DPP6: variants seen among roughly 807,000 people sequenced by gnomAD.
DPP6 encodes the protein dipeptidyl peptidase like 6.
A neutral mutation model predicts 122.6 loss-of-function variants in DPP6; 69 were observed. That is an observed-to-expected ratio of 0.56 (90% CI 0.46 to 0.69). DPP6 has a LOEUF of 0.69. DPP6 is among the 30% of genes least tolerant of loss of function. The pLI is 0.00. For synonymous variants in DPP6, 418 were observed against 433.1 expected (o/e 0.97, Z 0.43); for missense variants, 928 against 1,116.9 (o/e 0.83, Z 2.41).
upstream of DPP6, among the ~76,000 whole-genome samples, chr7:153,885,207 A>ACCAC (rs1798866101): frequency 6.6e-6 from 1 of 151,954 alleles, no homozygotes; most frequent in African/African-American, 2.4e-5. Context: ...AATCGGATTT[A>ACCAC]GATTGGTGAT....
At chr7:154,093,520 A>G (rs1386938394) in intron 1 of DPP6, among the ~76,000 whole-genome samples, 2 of 116,510 alleles carry the variant, frequency 1.7e-5, no homozygotes, top group Admixed American at 1.8e-4. Flanking sequence ...CACCACATAC[A>G]CCATACATAC....
chr7:154,611,244 A>G (rs889149981), intron 5 of DPP6, among the ~76,000 whole-genome samples: 1 of 152,118 alleles, frequency 6.6e-6, no homozygotes, highest in Non-Finnish European at 1.5e-5. Context: ...TTGATAGGAG[A>G]CCTATATTAG....
intron 5 of DPP6, among the ~76,000 whole-genome samples, chr7:154,589,517 G>A (rs1237543122): frequency 6.6e-6 from 1 of 152,204 alleles, no homozygotes; most frequent in African/African-American, 2.4e-5. Flanking sequence ...TGTCCACTGC[G>A]CTTTCTGCAG....
At chr7:154,754,606 A>G (rs1435387782) in intron 8 of DPP6, among the ~76,000 whole-genome samples, 1 of 152,266 alleles carries the variant, frequency 6.6e-6, no homozygotes, top group East Asian at 1.9e-4. Context: ...TAGATGAGTA[A>G]TAACAAAGTC....
chr7:154,322,506 T>G (rs1256418383), intron 1 of DPP6, among the ~76,000 whole-genome samples: 2 of 152,202 alleles, frequency 1.3e-5, no homozygotes, highest in African/African-American at 4.8e-5. Flanking sequence ...GAGAGACTCG[T>G]GCTTAATAAT....
intron 5 of DPP6, among the ~76,000 whole-genome samples, chr7:154,573,954 G>A (rs1831289097): frequency 6.6e-6 from 1 of 152,186 alleles, no homozygotes; most frequent in African/African-American, 2.4e-5. Flanking sequence ...ACTGGCTGCT[G>A]TTGGTTTCCA....
intron 1 of DPP6, among the ~76,000 whole-genome samples, chr7:154,366,875 G>C (rs1354222708): frequency 6.6e-6 from 1 of 152,138 alleles, no homozygotes; most frequent in East Asian, 1.9e-4. Context: ...AAATTCCTCA[G>C]AACTGTCTTT....
At chr7:154,205,703 G>A (rs551396267) in intron 1 of DPP6, among the ~76,000 whole-genome samples, 4 of 151,988 alleles carry the variant, frequency 2.6e-5, no homozygotes, top group Non-Finnish European at 2.9e-5. Flanking sequence ...GCACTCCTCC[G>A]CCATGAGGTC....
intron 4 of DPP6, among the ~76,000 whole-genome samples, chr7:154,553,294 A>C (rs1248767579): frequency 1.3e-5 from 2 of 152,178 alleles, no homozygotes; most frequent in African/African-American, 4.8e-5. Context: ...GGGATTAAAC[A>C]ATAGTCTATG....
intron 1 of DPP6, among the ~76,000 whole-genome samples, chr7:154,042,008 C>T (rs113768962): frequency 2.0e-5 from 3 of 152,158 alleles, no homozygotes; most frequent in South Asian, 2.1e-4. Flanking sequence ...CCGCCCACCT[C>T]GGCCTCCCAA....
chr7:153,825,581 G>T, the DPP6 span, among the ~76,000 whole-genome samples: 2 of 149,888 alleles, frequency 1.3e-5, no homozygotes, highest in South Asian at 4.2e-4. Context: ...CTTTATTTTT[G>T]AGACATCTCA....
At chr7:153,887,831 G>T in intron 1 of DPP6, 1 of 1,372,440 alleles carries the variant, frequency 7.3e-7, no homozygotes, top group Non-Finnish European at 9.8e-7. Context: ...GAACCTCCCT[G>T]GAAGGACAGC....
chr7:154,581,448 A>C (rs11769541), intron 5 of DPP6, among the ~76,000 whole-genome samples: 137,810 of 152,188 alleles, frequency 0.91, 63,090 homozygotes, highest in Non-Finnish European at 0.98. Context: ...CCCTGATGCA[A>C]CTGTGACTGC....
chr7:154,076,260 G>A (rs1421680813), intron 1 of DPP6, among the ~76,000 whole-genome samples: 3 of 152,106 alleles, frequency 2.0e-5, no homozygotes, highest in Admixed American at 6.5e-5. Flanking sequence ...GACCAGCCTC[G>A]CCAAAACGGT....
intron 2 of DPP6, among the ~76,000 whole-genome samples, chr7:154,469,008 C>G (rs908172223): frequency 1.3e-5 from 2 of 152,180 alleles, no homozygotes; most frequent in African/African-American, 2.4e-5. Context: ...AACAAATGCT[C>G]TCTTCATTCA....
chr7:154,640,250 C>CAAACAAAAACAA (rs3079842), intron 6 of DPP6, among the ~76,000 whole-genome samples: 13 of 150,590 alleles, frequency 8.6e-5, no homozygotes, highest in East Asian at 7.9e-4. Context: ...GAGACTCTGT[C>CAAACAAAAACAA]AAACAAAAAC....
rs1803595528 is a variant in DPP6 at position 154,863,472 on chromosome 7, C to A, written c.1715-4523C>A. ...CAGAGCTCAAGCTGTCCTCCCACCT[C>A]AGCCTCCTGAGTAACTGGGACCACA... On this transcript the variant is annotated intron_variant, in intron 17 of 25. Coordinates refer to ENST00000377770, the MANE Select transcript of DPP6 (RefSeq NM_130797.4). The surrounding 1 kb of genome is among the most constrained non-coding windows in gnomAD (Gnocchi z 4.1). 6.6e-6 allele frequency among the ~76,000 whole-genome samples: 1 copy of A among 151,912 alleles called. No individual in the cohort carries two copies. Among genetic ancestry groups the A allele is most frequent in the South Asian group, 2.1e-4 (1 of 4,790 alleles).
intron 1 of DPP6, among the ~76,000 whole-genome samples, chr7:154,343,863 G>A (rs1810152463): frequency 6.6e-6 from 1 of 152,214 alleles, no homozygotes; most frequent in African/African-American, 2.4e-5. Flanking sequence ...TTACAGGCGT[G>A]TGCCACCATG....
the DPP6 span, among the ~76,000 whole-genome samples, chr7:153,816,741 T>C: frequency 2.0e-5 from 3 of 151,940 alleles, no homozygotes; most frequent in African/African-American, 7.3e-5. Context: ...AGAGCACAGG[T>C]GAGACCCATT....
Sources: allele counts gnomAD v4.1 joint callset (sites outside exome capture counted in the v4.1 genomes callset), GRCh38; gene constraint gnomAD v4.1.1; non-coding constraint Gnocchi (gnomAD v3.1); transcripts MANE v1.5; gene names NCBI Gene and HGNC (gene_info 2026-07-23, HGNC 2026-07-21).